The following ANK2 variants were observed in gnomAD, a reference collection of about 807,000 sequenced individuals.
ANK2 encodes the protein ankyrin 2, also known as ankyrin-2.
ANK2 carries 83 observed loss-of-function variants against 360.5 expected under a neutral mutation model. That is an observed-to-expected ratio of 0.23 (90% confidence interval 0.19 to 0.28). ANK2 has a LOEUF of 0.28. Ranked by LOEUF, ANK2 falls within the 10% of genes least tolerant of loss-of-function variation. ANK2 has a pLI of 1.00. For synonymous variants in ANK2, 1,740 were observed against 1,759.5 expected, an observed-to-expected ratio of 0.99 and a Z score of 0.28; for missense variants, 4,201 against 4,795.7, an observed-to-expected ratio of 0.88 and a Z score of 3.66.
chr4:113,099,919 A>G (rs890492640), intron 1 of ANK2, among the ~76,000 whole-genome samples: 1 of 152,096 alleles, frequency 6.6e-6, no homozygotes, highest in African/African-American at 2.4e-5. Flanking sequence ...GCATACCCAC[A>G]TGCGACAAAA....
intron 4 of ANK2, among the ~76,000 whole-genome samples, chr4:113,222,996 C>T (rs1015608252): frequency 2.0e-5 from 3 of 152,156 alleles, no homozygotes; most frequent in Non-Finnish European, 4.4e-5. Flanking sequence ...AATGCTCCCC[C>T]AGAGTACACA....
At chr4:113,217,320 A>G (rs1585103979) in intron 4 of ANK2, 1 of 152,290 alleles carries the variant, frequency 6.6e-6, no homozygotes. Flanking sequence ...TACCACCACT[A>G]GAGGACTACA....
At chr4:112,904,861 C>G (rs2084672449) in intron 2 of ANK2, among the ~76,000 whole-genome samples, 1 of 152,068 alleles carries the variant, frequency 6.6e-6, no homozygotes, top group Admixed American at 6.6e-5. Context: ...TCTATTTTCT[C>G]TAAGGGCTTA....
At chr4:112,830,691 G>T (rs2059521167) in intron 1 of ANK2, among the ~76,000 whole-genome samples, 1 of 152,156 alleles carries the variant, frequency 6.6e-6, no homozygotes. Flanking sequence ...TCAGGCTACG[G>T]CATCCACTCT....
intron 1 of ANK2, among the ~76,000 whole-genome samples, chr4:112,900,581 C>A (rs528842240): frequency 6.6e-6 from 1 of 152,300 alleles, no homozygotes; most frequent in African/African-American, 2.4e-5. Flanking sequence ...CTATTGGGTA[C>A]AATGTTCACT....
At chr4:112,944,160 T>C (rs934203171) in intron 2 of ANK2, among the ~76,000 whole-genome samples, 3 of 152,204 alleles carry the variant, frequency 2.0e-5, no homozygotes, top group African/African-American at 7.2e-5. Flanking sequence ...CTTTCACTTA[T>C]TGTTCCAGGA....
intron 4 of ANK2, among the ~76,000 whole-genome samples, chr4:113,224,721 CTT>C (rs370692969): frequency 1.2e-4 from 18 of 152,044 alleles, no homozygotes; most frequent in African/African-American, 4.3e-4. Context: ...ATTTTCTACT[CTT>C]GTGATATATT....
intron 2 of ANK2, among the ~76,000 whole-genome samples, chr4:112,955,503 T>A (rs1260460105): frequency 6.6e-6 from 1 of 152,102 alleles, no homozygotes; most frequent in African/African-American, 2.4e-5. Flanking sequence ...GTTCAAAATC[T>A]TTTAAACCAT....
Position 113,255,847 on chromosome 4 carries a change from C to T in ANK2, c.1103C>T (p.Ala368Val). ...VDDVTLDYLT[A>V]LHVAAHCGHY... The stretch of plus-strand genomic sequence containing the variant: ...GATGTCACCCTAGACTACCTGACAG[C>T]CCTCCACGTTGCTGCGCACTGTGGC... Residue 368 changes from alanine to valine, a missense_variant, in exon 11 of 46, where the codon GCC becomes GTC. Ala to Val is a moderately conservative substitution (Grantham distance 64). Around this residue, in one of 4 missense-constraint regions of ANK2, gnomAD observed 1,268 missense variants for 1,650.8 expected, o/e 0.77. Coordinates refer to ENST00000357077, the MANE Select transcript of ANK2 (RefSeq NM_001148.6). 6.2e-7 allele frequency: 1 copy of T among 1,614,248 alleles called. No individual in the cohort carries two copies. Among genetic ancestry groups the T allele is most frequent in the Non-Finnish European group, 8.5e-7 (1 of 1,180,044 alleles).
At chr4:113,003,116 T>C (rs2154287912) in intron 2 of ANK2, among the ~76,000 whole-genome samples, 1 of 152,320 alleles carries the variant, frequency 6.6e-6, no homozygotes, top group Middle Eastern at 3.4e-3. Flanking sequence ...TTTGATCTCT[T>C]TGAGTATGGA....
chr4:112,829,783 G>A (rs988100782), intron 1 of ANK2, among the ~76,000 whole-genome samples: 5 of 151,714 alleles, frequency 3.3e-5, no homozygotes, highest in Admixed American at 2.0e-4. Flanking sequence ...GTGAAACCCC[G>A]TCTGTACTAA....
At chr4:112,962,240 C>A (rs946517674) in intron 2 of ANK2, among the ~76,000 whole-genome samples, 1 of 152,070 alleles carries the variant, frequency 6.6e-6, no homozygotes, top group African/African-American at 2.4e-5. Flanking sequence ...GTTCCCGTGT[C>A]TATGTCCATG....
rs762535771 is a variant in ANK2, at chr4:113,358,682, A to G, written c.10064A>G (p.Gln3355Arg). 2 of 1,614,054 alleles carry G rather than the reference A, an allele frequency of 1.2e-6. No individual in the cohort carries two copies. Among genetic ancestry groups the G allele is most frequent in the Non-Finnish European group, 1.7e-6 (2 of 1,179,946 alleles). The change falls in exon 38 of 46, where the codon CAA becomes CGA. Residue 3355 changes from glutamine to arginine, a missense_variant. By Grantham distance (43) the Gln-to-Arg change is conservative (BLOSUM62 1). Around this residue, in one of 4 missense-constraint regions of ANK2, gnomAD observed 2,642 missense variants for 2,714.5 expected, o/e 0.97. Coordinates refer to ENST00000357077, the MANE Select transcript of ANK2 (RefSeq NM_001148.6). ...KSKLPVKVPL[Q>R]RVEQQLSDLD... is the part of the protein sequence containing the mutation. ...AAACTCCCTGTCAAAGTACCCCTCC[A>G]AAGAGTTGAACAGCAGCTCTCAGAT...
chr4:113,333,289 T>A (rs2092888840), intron 29 of ANK2, 81 bp downstream of exon 29: 1 of 1,469,296 alleles, frequency 6.8e-7, no homozygotes, highest in African/African-American at 1.5e-5. Flanking sequence ...GACCTAGGGG[T>A]GTGTGTATAT....
the ANK2 span, among the ~76,000 whole-genome samples, chr4:112,738,124 A>C: frequency 6.6e-5 from 10 of 152,190 alleles, no homozygotes; most frequent in Non-Finnish European, 1.5e-4. Context: ...TGAATAAGAC[A>C]TGAGGCCGGG....
chr4:112,922,646 T>G (rs888202450), intron 2 of ANK2, among the ~76,000 whole-genome samples: 2 of 152,196 alleles, frequency 1.3e-5, no homozygotes, highest in African/African-American at 2.4e-5. Flanking sequence ...ATGGGGTAAG[T>G]CAGTTATTTT....
intron 2 of ANK2, among the ~76,000 whole-genome samples, chr4:112,940,905 C>A (rs1345881061): frequency 6.6e-6 from 1 of 152,020 alleles, no homozygotes; most frequent in Non-Finnish European, 1.5e-5. Flanking sequence ...TGAATCACAG[C>A]CGCTAATGCT....
At chr4:112,772,248 G>A in the ANK2 span, among the ~76,000 whole-genome samples, 1 of 152,130 alleles carries the variant, frequency 6.6e-6, no homozygotes, top group Non-Finnish European at 1.5e-5. Context: ...TGTCTTACAT[G>A]GTGGCAGACA....
intron 2 of ANK2, among the ~76,000 whole-genome samples, chr4:112,979,048 G>A (rs1185539315): frequency 6.6e-6 from 1 of 152,212 alleles, no homozygotes; most frequent in African/African-American, 2.4e-5. Context: ...TTTTCCAGCC[G>A]GAAACCTCTG....
Sources: gnomAD v4.1 joint callset for allele counts (sites outside exome capture counted in the v4.1 genomes callset) on GRCh38, gnomAD v4.1.1 for gene constraint, gnomAD v4.1.1 regional missense constraint, MANE v1.5 for transcripts, NCBI Gene and HGNC (gene_info 2026-07-23, HGNC 2026-07-21) for gene names.